The following INSM1 variants were observed in gnomAD, a reference collection of about 807,000 sequenced individuals.
The protein encoded by INSM1 is insulinoma-associated protein 1.
Under a neutral mutation model 21.1 loss-of-function variants are expected in INSM1, and 11 were observed. The observed-to-expected ratio is 0.52, with a 90% CI of 0.33 to 0.86. INSM1 has a LOEUF of 0.86. Among genes scored for constraint, INSM1 ranks in the 40% least tolerant of loss-of-function variants. The pLI is 0.03. For synonymous variants in INSM1, 473 were observed against 386.1 expected (o/e 1.23, Z -2.64); for missense variants, 843 against 760.1 (o/e 1.11, Z -1.28).
Position 20,369,985 on chromosome 20 carries a change from C to G in INSM1, c.*185C>G, listed in dbSNP as rs1418051814. 3 of 573,596 alleles carry G rather than the reference C, an allele frequency of 5.2e-6. No individual in the cohort carries two copies. Among genetic ancestry groups the G allele is most frequent in the African/African-American group, 2.0e-5 (1 of 51,152 alleles). 35.5% of individuals were successfully genotyped at this position (573,596 alleles called of 1,614,324 possible). On this transcript the variant is annotated 3_prime_UTR_variant, in exon 1 of 1. Transcript: ENST00000310227. The surrounding 1 kb of genome is among the most constrained non-coding windows in gnomAD (Gnocchi z 5.6). ...CGGTAACCCCATACTCTCCTTTTGA[C>G]TCCTTTTGGAACCCCCACTTTTACG...
At position 20,368,855 on chromosome 20, in the gene INSM1, G is replaced by GCC; in HGVS notation, c.592_593dup (p.Gly199ArgfsTer38). The stretch of plus-strand genomic sequence containing the variant: ...CACTGCCCCCTGCCGCCGCCCTGCG[G>GCC]CCCCCGGGAAAGCGGCCCCCGCCCC... On this transcript the variant is annotated frameshift_variant, in exon 1 of 1. Coordinates refer to ENST00000310227, the MANE Select transcript of INSM1 (RefSeq NM_002196.3). LOFTEE classifies it high-confidence loss of function. The surrounding 1 kb of genome is among the most constrained non-coding windows in gnomAD (Gnocchi z 4.3). 1 of 1,343,348 alleles carries GCC rather than the reference G, an allele frequency of 7.4e-7. No individual in the cohort carries two copies. Among genetic ancestry groups the GCC allele is most frequent in the Non-Finnish European group, 9.5e-7 (1 of 1,047,630 alleles). 83.2% of individuals were successfully genotyped at this position (1,343,348 alleles called of 1,614,324 possible). A position where few individuals can be genotyped will look rare whatever the true frequency, so the allele number is the denominator to read the frequency against.
Position 20,369,211 on chromosome 20 carries a change from G to A in INSM1, c.944G>A (p.Arg315His). ...CCGGCCAACCTGGCCTCGCACCGCC[G>A]CTGGCACAAACCGCGGCCCGCGCCC... ...SCPANLASHR[R>H]WHKPRPAPAA... is the part of the protein sequence containing the mutation. The change falls in exon 1 of 1, where the codon CGC (arginine) becomes CAC (histidine). Residue 315 changes from arginine to histidine, a missense_variant. Physicochemically the swap from Arg to His is conservative, Grantham distance 29. Transcript: ENST00000310227. This position sits in a 1 kb window ranked among gnomAD's most constrained non-coding sequence, Gnocchi z 5.6. 1 of 1,529,974 alleles carries A rather than the reference G, an allele frequency of 6.5e-7. No homozygotes were observed. The highest frequency in any genetic ancestry group is 1.2e-5 in the South Asian group (1 of 83,370). The allele number at this position is 1,529,974 out of a possible 1,614,324, so 94.8% of individuals were successfully genotyped here.
In INSM1 at chr20:20,369,232, C is replaced by T. The variant is rs780681476; in HGVS notation, c.965C>T (p.Ala322Val). The change falls in exon 1 of 1, where the codon GCG becomes GTG. Residue 322 changes from alanine (A) to valine (V), a missense_variant. Transcript: ENST00000310227. The surrounding 1 kb of genome is among the most constrained non-coding windows in gnomAD (Gnocchi z 5.6). Reference sequence around the variant, plus strand: ...CGCCGCTGGCACAAACCGCGGCCCGCGCCCGCCGCCGCCCGCGCGCCGGAG... The same window carrying T: ...CGCCGCTGGCACAAACCGCGGCCCGTGCCCGCCGCCGCCCGCGCGCCGGAG... The part of the protein sequence containing the change: ...SHRRWHKPRP[A>V]PAAARAPEPE... The T allele has an allele frequency of 6.9e-7, 1 of 1,448,912 alleles. No individual in the cohort carries two copies. The highest frequency in any genetic ancestry group is 1.4e-5 in the South Asian group (1 of 72,450). The allele number at this position is 1,448,912 out of a possible 1,614,324, so 89.8% of individuals were successfully genotyped here. A position where few individuals can be genotyped will look rare whatever the true frequency, so the allele number is the denominator to read the frequency against.
At position 20,368,548 on chromosome 20, in the gene INSM1, C is replaced by T. The variant is rs1478249102; in HGVS notation, c.281C>T (p.Ala94Val). 3 of 1,383,526 alleles carry T rather than the reference C, an allele frequency of 2.2e-6. No homozygotes were observed. Among genetic ancestry groups the T allele is most frequent in the Non-Finnish European group, 9.5e-7 (1 of 1,049,734 alleles). The allele number at this position is 1,383,526 out of a possible 1,614,324, so 85.7% of individuals were successfully genotyped here. A position where few individuals can be genotyped will look rare whatever the true frequency, so the allele number is the denominator to read the frequency against. ...RAAHFGNPEA[A>V]HPAPLYSPTR... The stretch of plus-strand genomic sequence containing the variant: ...GCGCACTTCGGCAACCCCGAGGCTG[C>T]GCACCCCGCGCCGCTCTACAGTCCC... Residue 94 changes from alanine to valine, a missense_variant, in exon 1 of 1, where the codon GCG becomes GTG. Coordinates refer to ENST00000310227, the MANE Select transcript of INSM1 (RefSeq NM_002196.3). The surrounding 1 kb of genome is among the most constrained non-coding windows in gnomAD (Gnocchi z 4.3).
In INSM1 at chr20:20,369,032, C is replaced by G; in HGVS notation, c.765C>G (p.Gly255=). The G allele has an allele frequency of 1.3e-6, 2 of 1,530,944 alleles. No individual in the cohort carries two copies. The highest frequency in any genetic ancestry group is 1.7e-6 in the Non-Finnish European group (2 of 1,144,930). The allele number at this position is 1,530,944 out of a possible 1,614,324, so 94.8% of individuals were successfully genotyped here. ...AGGGCCCGGTGGAGGCGCCGCGGGG[C>G]CGCGCGGGGGGCGCGGCGCGGCCGC... The part of the protein sequence containing the change: ...IKEGPVEAPR[G]RAGGAARPLG... The change falls in exon 1 of 1, where the codon GGC becomes GGG. Residue 255 remains glycine (G), a synonymous_variant. Transcript: ENST00000310227. The surrounding 1 kb of genome is among the most constrained non-coding windows in gnomAD (Gnocchi z 5.6).
At position 20,369,759 on chromosome 20, in the gene INSM1, C is replaced by G; in HGVS notation, c.1492C>G (p.Gln498Glu). ...INKCHPSENR[Q>E]VILLQVPVRP... is the part of the protein sequence containing the mutation. ...CAAGTGCCACCCATCCGAAAACAGA[C>G]AGGTGATCCTCCTGCAGGTGCCCGT... Residue 498 changes from glutamine (Q) to glutamate (E), a missense_variant, in exon 1 of 1, where the codon CAG (glutamine) becomes GAG (glutamate). Transcript: ENST00000310227. This position sits in a 1 kb window ranked among gnomAD's most constrained non-coding sequence, Gnocchi z 5.6. The G allele has an allele frequency of 6.2e-7, 1 of 1,604,220 alleles. No individual in the cohort carries two copies. The highest frequency in any genetic ancestry group is 8.5e-7 in the Non-Finnish European group (1 of 1,178,656).
rs928450184 is a variant in INSM1, at chr20:20,369,376, A to G, written c.1109A>G (p.His370Arg). Reference protein sequence around the residue: ...SGSEDGLYECHHCAKKFRRQA... With the variant: ...SGSEDGLYECRHCAKKFRRQA... ...TCCGAGGACGGGCTCTACGAGTGCC[A>G]TCACTGCGCCAAGAAGTTCCGCCGC... The change falls in exon 1 of 1, where the codon CAT (histidine) becomes CGT (arginine). Residue 370 changes from histidine (H) to arginine (R), a missense_variant. Transcript: ENST00000310227. This position sits in a 1 kb window ranked among gnomAD's most constrained non-coding sequence, Gnocchi z 5.6. 3 of 1,545,588 alleles carry G rather than the reference A, an allele frequency of 1.9e-6. No individual in the cohort carries two copies. The highest frequency in any genetic ancestry group is 2.6e-6 in the Non-Finnish European group (3 of 1,157,578).
rs1468320101 is a variant in INSM1, at chr20:20,369,707, C to T, written c.1440C>T (p.Ser480=). ...AGTACTGCCCGGCCACCTTCTACAGCTCGCCCGGCCTTACGCGGCACATCA... is the reference window on the plus strand; with the variant it reads ...AGTACTGCCCGGCCACCTTCTACAGTTCGCCCGGCCTTACGCGGCACATCA... The part of the protein sequence containing the change: ...PCKYCPATFY[S]SPGLTRHINK... The change falls in exon 1 of 1, where the codon AGC becomes AGT. Residue 480 remains serine, a synonymous_variant. Transcript: ENST00000310227. The surrounding 1 kb of genome is among the most constrained non-coding windows in gnomAD (Gnocchi z 5.6). 5 of 1,601,078 alleles carry T rather than the reference C, an allele frequency of 3.1e-6. No homozygotes were observed. Among genetic ancestry groups the T allele is most frequent in the African/African-American group, 1.3e-5 (1 of 74,936 alleles).
In INSM1 at chr20:20,369,043, G is replaced by T. The variant is rs776513961; in HGVS notation, c.776G>T (p.Gly259Val). The change falls in exon 1 of 1, where the codon GGC becomes GTC. Residue 259 changes from glycine (G) to valine (V), a missense_variant. Physicochemically the swap from Gly to Val is moderately radical, Grantham distance 109. Coordinates refer to ENST00000310227, the MANE Select transcript of INSM1 (RefSeq NM_002196.3). The surrounding 1 kb of genome is among the most constrained non-coding windows in gnomAD (Gnocchi z 5.6). ...PVEAPRGRAG[G>V]AARPLGEFIC... ...GAGGCGCCGCGGGGCCGCGCGGGGGGCGCGGCGCGGCCGCTGGGCGAGTTC... is the reference window on the plus strand; with the variant it reads ...GAGGCGCCGCGGGGCCGCGCGGGGGTCGCGGCGCGGCCGCTGGGCGAGTTC... 1.3e-6 allele frequency: 2 copies of T among 1,546,494 alleles called. No individual in the cohort carries two copies. Among genetic ancestry groups the T allele is most frequent in the Non-Finnish European group, 1.7e-6 (2 of 1,153,388 alleles).
rs772659508 is a variant in INSM1, at chr20:20,368,224, G to A, written c.-44G>A. The A allele has an allele frequency of 1.8e-6, 2 of 1,086,420 alleles. No homozygotes were observed. The highest frequency in any genetic ancestry group is 6.2e-5 in the East Asian group (1 of 16,250). The allele number at this position is 1,086,420 out of a possible 1,614,324, so 67.3% of individuals were successfully genotyped here. ...ACTGAGGGCCGCCGGGGCCGAGCGC[G>A]GAGGGGGGACCGAGCCAGTGCCGTG... On this transcript the variant is annotated 5_prime_UTR_variant, in exon 1 of 1. Transcript: ENST00000310227. The surrounding 1 kb of genome is among the most constrained non-coding windows in gnomAD (Gnocchi z 4.3).
rs963034856 is a variant in INSM1, at chr20:20,369,660, G to A, written c.1393G>A (p.Ala465Thr). 1.2e-6 allele frequency: 2 copies of A among 1,600,618 alleles called. No individual in the cohort carries two copies. Among genetic ancestry groups the A allele is most frequent in the Admixed American group, 1.7e-5 (1 of 59,996 alleles). Residue 465 changes from alanine (A) to threonine (T), a missense_variant, in exon 1 of 1, where the codon GCC (alanine) becomes ACC (threonine). Physicochemically the swap from Ala to Thr is moderately conservative, Grantham distance 58. Coordinates refer to ENST00000310227, the MANE Select transcript of INSM1 (RefSeq NM_002196.3). The surrounding 1 kb of genome is among the most constrained non-coding windows in gnomAD (Gnocchi z 5.6). ...GGAGCGCCACCTGCGCCTGCTGCACGCCGCCCAGGTGTTCCCCTGCAAGTA... is the reference window on the plus strand; with the variant it reads ...GGAGCGCCACCTGCGCCTGCTGCACACCGCCCAGGTGTTCCCCTGCAAGTA... ...AQERHLRLLH[A>T]AQVFPCKYCP...
In INSM1 at chr20:20,368,525, G is replaced by A; in HGVS notation, c.258G>A (p.Ala86=). 2 of 1,286,632 alleles carry A rather than the reference G, an allele frequency of 1.6e-6. No homozygotes were observed. The highest frequency in any genetic ancestry group is 2.0e-6 in the Non-Finnish European group (2 of 998,860). The allele number at this position is 1,286,632 out of a possible 1,614,324, so 79.7% of individuals were successfully genotyped here. ...CACCCCCGCAGGGCCCGCGGGCCGC[G>A]CACTTCGGCAACCCCGAGGCTGCGC... ...PQPPPQGPRA[A]HFGNPEAAHP... Residue 86 remains alanine, a synonymous_variant, in exon 1 of 1, where the codon GCG becomes GCA. Coordinates refer to ENST00000310227, the MANE Select transcript of INSM1 (RefSeq NM_002196.3). The surrounding 1 kb of genome is among the most constrained non-coding windows in gnomAD (Gnocchi z 4.3).
Position 20,368,273 on chromosome 20 carries a change from C to A in INSM1, c.6C>A (p.Pro2=). The change falls in exon 1 of 1, where the codon CCC becomes CCA. Residue 2 remains proline (P), a synonymous_variant. Transcript: ENST00000310227. The surrounding 1 kb of genome is among the most constrained non-coding windows in gnomAD (Gnocchi z 4.3). M[P]RGFLVKRSKK... ...TGCCCTCGGGCCGCGCCAACATGCC[C>A]CGCGGCTTCCTGGTGAAGCGCAGCA... 7.8e-7 allele frequency: 1 copy of A among 1,279,732 alleles called. No homozygotes were observed. The allele number at this position is 1,279,732 out of a possible 1,614,324, so 79.3% of individuals were successfully genotyped here. A position where few individuals can be genotyped will look rare whatever the true frequency, so the allele number is the denominator to read the frequency against.
rs1376964822 is a variant in INSM1, at chr20:20,368,726, C to T, written c.459C>T (p.Gly153=). The change falls in exon 1 of 1, where the codon GGC becomes GGT. Residue 153 remains glycine, a synonymous_variant. Transcript: ENST00000310227. The surrounding 1 kb of genome is among the most constrained non-coding windows in gnomAD (Gnocchi z 4.3). ...GCGCGAGCGGAGCTGGCGGAGGCGG[C>T]ACCTGCGGCGGCGACCCGCTGCTCT... is the stretch of plus-strand genomic sequence containing the variant. ...GGGASGAGGG[G]TCGGDPLLFA... is the part of the protein sequence containing the mutation. 16 of 1,195,094 alleles carry T rather than the reference C, an allele frequency of 1.3e-5. No homozygotes were observed. Among genetic ancestry groups the T allele is most frequent in the Admixed American group, 4.6e-5 (1 of 21,516 alleles). 74.0% of individuals were successfully genotyped at this position (1,195,094 alleles called of 1,614,324 possible).
Position 20,369,606 on chromosome 20 carries a change from GGA to G in INSM1, c.1343_1344del (p.Glu448ValfsTer105). ...SAECHLCPVC[G>X]ESFASKGAQE... ...CGAGTGCCACCTGTGCCCAGTGTGCGGAGAGTCGTTCGCCAGCAAGGGCGCTC... is the reference window on the plus strand; with the variant it reads ...CGAGTGCCACCTGTGCCCAGTGTGCGGAGTCGTTCGCCAGCAAGGGCGCTC... On this transcript the variant is annotated frameshift_variant, in exon 1 of 1. Coordinates refer to ENST00000310227, the MANE Select transcript of INSM1 (RefSeq NM_002196.3). LOFTEE classifies it high-confidence loss of function. This position sits in a 1 kb window ranked among gnomAD's most constrained non-coding sequence, Gnocchi z 5.6. 1 of 1,600,624 alleles carries G rather than the reference GGA, an allele frequency of 6.2e-7. No individual in the cohort carries two copies. The highest frequency in any genetic ancestry group is 8.5e-7 in the Non-Finnish European group (1 of 1,179,636).
rs2059490557 is a variant in INSM1, at chr20:20,369,471, C to T, written c.1204C>T (p.Pro402Ser). 1 of 1,530,460 alleles carries T rather than the reference C, an allele frequency of 6.5e-7. No individual in the cohort carries two copies. The highest frequency in any genetic ancestry group is 8.7e-7 in the Non-Finnish European group (1 of 1,149,272). 94.8% of individuals were successfully genotyped at this position (1,530,460 alleles called of 1,614,324 possible). The change falls in exon 1 of 1, where the codon CCC becomes TCC. Residue 402 changes from proline to serine, a missense_variant. Coordinates refer to ENST00000310227, the MANE Select transcript of INSM1 (RefSeq NM_002196.3). The surrounding 1 kb of genome is among the most constrained non-coding windows in gnomAD (Gnocchi z 5.6). The part of the protein sequence containing the change: ...ALQAKGAPLA[P>S]PAEDLLALYP... ...GCAGGCCAAGGGCGCGCCGCTAGCGCCCCCGGCCGAGGACCTACTGGCCTT... is the reference window on the plus strand; with the variant it reads ...GCAGGCCAAGGGCGCGCCGCTAGCGTCCCCGGCCGAGGACCTACTGGCCTT...
Position 20,369,098 on chromosome 20 carries a change from C to T in INSM1, c.831C>T (p.Ala277=), listed in dbSNP as rs1489172282. Residue 277 remains alanine (A), a synonymous_variant, in exon 1 of 1, where the codon GCC becomes GCT. Coordinates refer to ENST00000310227, the MANE Select transcript of INSM1 (RefSeq NM_002196.3). This position sits in a 1 kb window ranked among gnomAD's most constrained non-coding sequence, Gnocchi z 5.6. ...FICQLCKEEY[A]DPFALAQHKC... is the part of the protein sequence containing the mutation. ...GCCAGCTGTGCAAGGAGGAGTACGCCGACCCGTTCGCGCTGGCGCAGCACA... is the reference window on the plus strand; with the variant it reads ...GCCAGCTGTGCAAGGAGGAGTACGCTGACCCGTTCGCGCTGGCGCAGCACA... The T allele has an allele frequency of 6.3e-7, 1 of 1,587,046 alleles. No homozygotes were observed. Among genetic ancestry groups the T allele is most frequent in the Admixed American group, 1.7e-5 (1 of 58,296 alleles).
rs781528288 is a variant in INSM1, at chr20:20,369,424, T to G, written c.1157T>G (p.Leu386Arg). ...FRRQAYLRKH[L>R]LAHHQALQAK... Reference sequence around the variant, plus strand: ...CGCCAGGCCTACCTACGCAAGCACCTGCTGGCGCACCACCAGGCGCTGCAG... The same window carrying G: ...CGCCAGGCCTACCTACGCAAGCACCGGCTGGCGCACCACCAGGCGCTGCAG... Residue 386 changes from leucine to arginine, a missense_variant, in exon 1 of 1, where the codon CTG (leucine) becomes CGG (arginine). Leu to Arg is a moderately radical substitution (Grantham distance 102). Transcript: ENST00000310227. The surrounding 1 kb of genome is among the most constrained non-coding windows in gnomAD (Gnocchi z 5.6). 6.4e-7 allele frequency: 1 copy of G among 1,551,366 alleles called. No homozygotes were observed. The highest frequency in any genetic ancestry group is 1.2e-5 in the South Asian group (1 of 85,190).
In INSM1 at chr20:20,368,689, G is replaced by T. The variant is rs527570370; in HGVS notation, c.422G>T (p.Gly141Val). The T allele has an allele frequency of 1.6e-4, 208 of 1,270,870 alleles. 1 individual carries two copies. In the African/African-American group the frequency reaches 2.9e-3, roughly 17 times the overall value. The allele number at this position is 1,270,870 out of a possible 1,614,324, so 78.7% of individuals were successfully genotyped here. Residue 141 changes from glycine (G) to valine (V), a missense_variant, in exon 1 of 1, where the codon GGC becomes GTC. By Grantham distance (109) the Gly-to-Val change is moderately radical (BLOSUM62 -3). Transcript: ENST00000310227. This position sits in a 1 kb window ranked among gnomAD's most constrained non-coding sequence, Gnocchi z 4.3. ...ACGCCCGCCGCGCTGCTCGGAGGGG[G>T]CGGCGGCGGCGGCGCGAGCGGAGCT... is the stretch of plus-strand genomic sequence containing the variant. ...FPTPAALLGG[G>V]GGGGASGAGG...
Sources: allele counts gnomAD v4.1 joint callset, GRCh38; gene constraint gnomAD v4.1.1; non-coding constraint Gnocchi (gnomAD v3.1); transcripts MANE v1.5; gene names NCBI Gene and HGNC (gene_info 2026-07-23, HGNC 2026-07-21).